The following NRDC variants were observed in gnomAD, a reference collection of about 807,000 sequenced individuals.
NRDC encodes nardilysin convertase.
Under a neutral mutation model 147.1 loss-of-function variants are expected in NRDC, and 54 were observed. The observed-to-expected ratio is 0.37, with a 90% CI of 0.29 to 0.46. NRDC has a LOEUF of 0.46. NRDC is among the 20% of genes least tolerant of loss of function. The pLI is 1.00. For synonymous variants in NRDC, 440 were observed against 482.1 expected, an observed-to-expected ratio of 0.91 and a Z score of 1.14; for missense variants, 1,082 against 1,370.6, an observed-to-expected ratio of 0.79 and a Z score of 3.33.
chr1:51,856,695 A>G (rs1557934358), intron 1 of NRDC, among the ~76,000 whole-genome samples: 1 of 152,062 alleles, frequency 6.6e-6, no homozygotes, highest in Non-Finnish European at 1.5e-5. Context: ...CTGGGTTTTT[A>G]TGGAAATTTC....
chr1:51,814,764 G>C lies in NRDC; in HGVS notation c.1489C>G (p.Gln497Glu), dbSNP rs1229885440. 6 of 1,611,088 alleles carry C rather than the reference G, an allele frequency of 3.7e-6. No homozygotes were observed. The highest frequency in any genetic ancestry group is 5.1e-6 in the Non-Finnish European group (6 of 1,179,074). Residue 497 changes from glutamine to glutamate, a missense_variant, in exon 12 of 31, where the codon CAA becomes GAA. Gln to Glu is a conservative substitution (Grantham distance 29, BLOSUM62 2). Coordinates refer to ENST00000352171, the MANE Select transcript of NRDC (RefSeq NM_001101662.2). ...FGGNGETGFE[Q>E]NSTYSVFSIS... ...CTGAACACTGAATAAGTAGAATTTT[G>C]CTCAAATCCTGTCTCACCATTTCCA...
At position 51,789,286 on chromosome 1, in the gene NRDC, C is replaced by T; in HGVS notation, c.3406G>A (p.Ala1136Thr). Reference protein sequence around the residue: ...DCIIPITDIRAFTTTLNLLPY... With the variant: ...DCIIPITDIRTFTTTLNLLPY... ...AGAAGGTTGAGTGTTGTTGTGAAAG[C>T]CCTGATATCAGTAATGGGGATGATA... is the stretch of plus-strand genomic sequence containing the variant. Residue 1136 changes from alanine (A) to threonine (T), a missense_variant, in exon 31 of 31, where the codon GCT becomes ACT. Coordinates refer to ENST00000352171, the MANE Select transcript of NRDC (RefSeq NM_001101662.2). 6.2e-7 allele frequency: 1 copy of T among 1,614,104 alleles called. No individual in the cohort carries two copies.
At chr1:51,800,519 G>C in intron 21 of NRDC, 37 bp downstream of exon 21, 1 of 1,610,022 alleles carries the variant, frequency 6.2e-7, no homozygotes, top group Non-Finnish European at 8.5e-7. Flanking sequence ...AATACTTTCA[G>C]GTCCTCAAAA....
intron 1 of NRDC, among the ~76,000 whole-genome samples, chr1:51,843,745 T>C (rs1034049310): frequency 4.6e-5 from 7 of 152,132 alleles, no homozygotes; most frequent in Non-Finnish European, 1.0e-4. Flanking sequence ...AGAGCTATTT[T>C]CCAAGAATAT....
chr1:51,811,960 TA>T, intron 15 of NRDC, 33 bp downstream of exon 15: 1 of 1,431,952 alleles, frequency 7.0e-7, no homozygotes, highest in Non-Finnish European at 9.8e-7. Context: ...CCTCTTCCCC[TA>T]AAAGTAAGTT....
chr1:51,816,379 G>A lies in NRDC; in HGVS notation c.1372C>T (p.Leu458Phe). Residue 458 changes from leucine to phenylalanine, a missense_variant, in exon 11 of 31, where the codon CTT (leucine) becomes TTT (phenylalanine). Around this residue, in one of 3 missense-constraint regions of NRDC, gnomAD observed 635 missense variants for 923.8 expected, o/e 0.69. Transcript: ENST00000352171. ...PQQQHYRVKP[L>F]HYISWLVGHE... ...CCAACCAGCCAGGATATATAATGAA[G>A]TGGCTTCACCCTTTTAAAAAAATTT... 1 of 1,596,846 alleles carries A rather than the reference G, an allele frequency of 6.3e-7. No homozygotes were observed. Among genetic ancestry groups the A allele is most frequent in the Non-Finnish European group, 8.5e-7 (1 of 1,171,188 alleles).
intron 4 of NRDC, 120 bp downstream of exon 4, chr1:51,833,897 G>A (rs1680828361): frequency 2.4e-6 from 2 of 838,422 alleles, no homozygotes; most frequent in African/African-American, 1.7e-5. Context: ...TTACAGGCAT[G>A]AGTCACCATG....
chr1:51,870,265 AAAG>A (rs769236266), intron 1 of NRDC, among the ~76,000 whole-genome samples: 22 of 152,242 alleles, frequency 1.4e-4, no homozygotes, highest in Admixed American at 5.9e-4. Flanking sequence ...TGGAAAGCAA[AAAG>A]AAAAGTGAAG....
At chr1:51,789,476 A>AT in intron 30 of NRDC, 43 bp from the exon 31 acceptor site, 1 of 1,607,628 alleles carries the variant, frequency 6.2e-7, no homozygotes, top group Non-Finnish European at 8.5e-7. Context: ...TGCTGACCAG[A>AT]TTTAGGGGTT....
chr1:51,824,736 GCA>G lies in NRDC; in HGVS notation c.1036+549_1036+550del, dbSNP rs1680370260. 4.6e-5 allele frequency among the ~76,000 whole-genome samples: 7 copies of G among 152,342 alleles called. No homozygotes were observed. In the South Asian group the frequency reaches 1.5e-3, roughly 32 times the overall value. On this transcript the variant is annotated intron_variant, in intron 6 of 30. Coordinates refer to ENST00000352171, the MANE Select transcript of NRDC (RefSeq NM_001101662.2). ...AATGGAAATGTCAGGCTGAGGTAGA[GCA>G]CAGACTTTATAATCAGATAAACAGA...
intron 16 of NRDC, among the ~76,000 whole-genome samples, chr1:51,809,807 C>T (rs1241165957): frequency 6.6e-6 from 1 of 151,784 alleles, no homozygotes; most frequent in African/African-American, 2.4e-5. Flanking sequence ...GAAGCAGGGA[C>T]AGGAGAATTG....
chr1:51,833,707 C>T (rs1423029721), intron 4 of NRDC, among the ~76,000 whole-genome samples: 1 of 152,244 alleles, frequency 6.6e-6, no homozygotes, highest in East Asian at 1.9e-4. Context: ...TTCCTGGACC[C>T]AAGCAATCCT....
intron 1 of NRDC, among the ~76,000 whole-genome samples, chr1:51,873,479 TTTTATTTATTTATTTATTTATTTATTTA>T (rs57413276): frequency 3.5e-5 from 5 of 141,816 alleles, no homozygotes; most frequent in African/African-American, 1.3e-4. Flanking sequence ...TATATGGAAT[TTTTATTTATTTATTTATTTATTTATTTA>T]TTTATTTATT....
Position 51,802,967 on chromosome 1 carries a change from C to T in NRDC, c.2313+847G>A, listed in dbSNP as rs546527460. ...CTTAGCTAACAACCCATTATTTTTT[C>T]CTCCTCTTATGAAGTTTTTGATGAA... On this transcript the variant is annotated intron_variant, in intron 20 of 30. Transcript: ENST00000352171. 7.2e-5 allele frequency among the ~76,000 whole-genome samples: 11 copies of T among 152,142 alleles called. No homozygotes were observed. The South Asian group carries it at 2.3e-3, about 32-fold the overall frequency.
Position 51,805,577 on chromosome 1 carries a change from C to A in NRDC, c.2111-16G>T. 6.5e-7 allele frequency: 1 copy of A among 1,541,292 alleles called. No individual in the cohort carries two copies. Among genetic ancestry groups the A allele is most frequent in the Non-Finnish European group, 8.8e-7 (1 of 1,141,488 alleles). On this transcript the variant is annotated splice_polypyrimidine_tract_variant and intron_variant, in intron 18 of 30. Coordinates refer to ENST00000352171, the MANE Select transcript of NRDC (RefSeq NM_001101662.2). ...CGTATATATGCTAAAAGAAAAAAGA[C>A]CATAGATAAAAAAGGTTAGGGGCCT...
chr1:51,849,569 C>A (rs987862075), intron 1 of NRDC, among the ~76,000 whole-genome samples: 1 of 152,144 alleles, frequency 6.6e-6, no homozygotes. Context: ...GTAATCCCGG[C>A]ACTTTGGAAG....
chr1:51,847,255 C>T (rs562258574), intron 1 of NRDC, among the ~76,000 whole-genome samples: 1 of 152,356 alleles, frequency 6.6e-6, no homozygotes, highest in Admixed American at 6.5e-5. Flanking sequence ...TCCACAATCC[C>T]CCCAGCTAGA....
At chr1:51,813,909 G>T in intron 14 of NRDC, 126 bp downstream of exon 14, 1 of 682,268 alleles carries the variant, frequency 1.5e-6, no homozygotes, top group Non-Finnish European at 2.6e-6. Flanking sequence ...AAGGCCACCT[G>T]GAGACTCACA....
chr1:51,815,839 C>T (rs1679946208), intron 11 of NRDC: 1 of 152,148 alleles, frequency 6.6e-6, no homozygotes, highest in African/African-American at 2.4e-5. Flanking sequence ...TGCTTTAATG[C>T]TTAGGAAACA....
Sources: gnomAD v4.1 joint callset for allele counts (sites outside exome capture counted in the v4.1 genomes callset) on GRCh38, gnomAD v4.1.1 for gene constraint, gnomAD v4.1.1 regional missense constraint, MANE v1.5 for transcripts, NCBI Gene and HGNC (gene_info 2026-07-23, HGNC 2026-07-21) for gene names.